EFNA5: variants seen among roughly 807,000 people sequenced by gnomAD.
EFNA5 encodes the protein ephrin A5.
EFNA5 carries 5 observed loss-of-function variants against 22.9 expected under a neutral mutation model. The ratio of observed to expected loss-of-function variants is 0.22; its 90% CI spans 0.11 to 0.46. The LOEUF (loss-of-function observed/expected upper bound fraction) is 0.46. Ranked by LOEUF, EFNA5 falls within the 20% of genes least tolerant of loss-of-function variation. The pLI, the probability that EFNA5 is intolerant of heterozygous loss-of-function variation, is 0.99. For missense variants in EFNA5, 237 were observed against 293.3 expected (o/e 0.81, Z 1.40); for synonymous variants, 113 against 112.2 (o/e 1.01, Z -0.04).
chr5:107,494,262 T>C (rs1007507139), intron 1 of EFNA5, among the ~76,000 whole-genome samples: 21 of 151,154 alleles, frequency 1.4e-4, no homozygotes, highest in African/African-American at 3.4e-4. Flanking sequence ...AGGCGTGAGC[T>C]GCGGGCGGCT....
At chr5:107,561,318 T>G (rs2112477509) in intron 1 of EFNA5, among the ~76,000 whole-genome samples, 1 of 152,330 alleles carries the variant, frequency 6.6e-6, no homozygotes, top group Middle Eastern at 3.4e-3. Flanking sequence ...GTACCACTTG[T>G]GTTAAGAGCC....
chr5:107,402,326 C>T lies in EFNA5; in HGVS notation c.419-14555G>A, dbSNP rs113286452. ...TGTGTATATATGTCTGTAAGGCTAG[C>T]GAGGGCTGTCTTGAACAAAAAATAT... On this transcript the variant is annotated intron_variant, in intron 2 of 4. Coordinates refer to ENST00000333274, the MANE Select transcript of EFNA5 (RefSeq NM_001962.3). 5.1e-3 allele frequency among the ~76,000 whole-genome samples: 769 copies of T among 152,190 alleles called. 11 individuals are homozygous for T. The highest frequency in any genetic ancestry group is 0.018 in the African/African-American group (728 of 41,536).
chr5:107,665,071 T>C (rs1311396646), intron 1 of EFNA5, among the ~76,000 whole-genome samples: 3 of 152,154 alleles, frequency 2.0e-5, no homozygotes, highest in Non-Finnish European at 4.4e-5. Flanking sequence ...TCTTAACATA[T>C]TCTCATATTT....
At chr5:107,552,527 T>C (rs1403770771) in intron 1 of EFNA5, among the ~76,000 whole-genome samples, 2 of 152,202 alleles carry the variant, frequency 1.3e-5, no homozygotes, top group East Asian at 1.9e-4. Context: ...CTCCAAAGTC[T>C]ATGTTAACCA....
intron 1 of EFNA5, among the ~76,000 whole-genome samples, chr5:107,621,778 A>G (rs541364208): frequency 6.6e-6 from 1 of 152,332 alleles, no homozygotes; most frequent in African/African-American, 2.4e-5. Flanking sequence ...GGGGATTTAA[A>G]AAGAGGAAGG....
intron 1 of EFNA5, among the ~76,000 whole-genome samples, chr5:107,568,437 G>A (rs1748708409): frequency 1.3e-5 from 2 of 152,226 alleles, no homozygotes; most frequent in African/African-American, 4.8e-5. Flanking sequence ...GACATGCCTA[G>A]GCAGGTAGTG....
intron 1 of EFNA5, among the ~76,000 whole-genome samples, 156 bp downstream of exon 1, chr5:107,670,333 G>C (rs1751164268): frequency 6.6e-6 from 1 of 152,144 alleles, no homozygotes; most frequent in Non-Finnish European, 1.5e-5. Context: ...CGACGCGAGC[G>C]CTTCCCGCCG....
intron 2 of EFNA5, among the ~76,000 whole-genome samples, chr5:107,410,029 T>G (rs1246904704): frequency 6.9e-6 from 1 of 144,588 alleles, no homozygotes; most frequent in Non-Finnish European, 1.5e-5. Flanking sequence ...ATTCTTTTTT[T>G]TTTTTTTTTT....
intron 1 of EFNA5, among the ~76,000 whole-genome samples, chr5:107,467,829 T>C (rs1365777051): frequency 3.3e-5 from 5 of 152,226 alleles, no homozygotes; most frequent in African/African-American, 1.2e-4. Context: ...AGTGACCCAC[T>C]GTCCAAGGTC....
intron 1 of EFNA5, among the ~76,000 whole-genome samples, chr5:107,438,713 A>G (rs1749179207): frequency 1.3e-5 from 2 of 152,116 alleles, no homozygotes. Flanking sequence ...CTTTGGAGAG[A>G]AAGACTAGAA....
chr5:107,417,336 T>C (rs1359441730), intron 2 of EFNA5, among the ~76,000 whole-genome samples: 1 of 152,180 alleles, frequency 6.6e-6, no homozygotes, highest in Non-Finnish European at 1.5e-5. Flanking sequence ...AATGAATTAA[T>C]TTTTTTGTGA....
rs1747344211 is a variant in EFNA5 at position 107,378,667 on chromosome 5, T to A, written c.*2588A>T. 1 of 152,224 alleles carries A rather than the reference T, an allele frequency of 6.6e-6. No individual in the cohort carries two copies. Among genetic ancestry groups the A allele is most frequent in the East Asian group, 1.9e-4 (1 of 5,204 alleles). 9.4% of individuals were successfully genotyped at this position (152,224 alleles called of 1,614,324 possible). On this transcript the variant is annotated 3_prime_UTR_variant, in exon 5 of 5. Coordinates refer to ENST00000333274, the MANE Select transcript of EFNA5 (RefSeq NM_001962.3). ...GTGGACACTCTTGCTATTTTCTTTA[T>A]ACTTAATTTGCAGTGGCAGAATGGT...
At chr5:107,403,583 TATTTG>T (rs1748140575) in intron 2 of EFNA5, among the ~76,000 whole-genome samples, 1 of 152,242 alleles carries the variant, frequency 6.6e-6, no homozygotes, top group South Asian at 2.1e-4. Flanking sequence ...ATAAAATAGT[TATTTG>T]TCTAAATTAA....
intron 1 of EFNA5, among the ~76,000 whole-genome samples, chr5:107,615,794 G>A (rs773647396): frequency 2.0e-5 from 3 of 152,064 alleles, no homozygotes; most frequent in Non-Finnish European, 2.9e-5. Flanking sequence ...GGGAGGGGTC[G>A]CTCGTCCATC....
intron 2 of EFNA5, among the ~76,000 whole-genome samples, chr5:107,419,539 C>G (rs1261757751): frequency 6.6e-6 from 1 of 152,148 alleles, no homozygotes; most frequent in East Asian, 1.9e-4. Flanking sequence ...TTTTTGGTGA[C>G]TAAGATGTAC....
At chr5:107,407,541 CA>C (rs1748256704) in intron 2 of EFNA5, among the ~76,000 whole-genome samples, 1 of 152,038 alleles carries the variant, frequency 6.6e-6, no homozygotes, top group Non-Finnish European at 1.5e-5. Flanking sequence ...GGACACTTAT[CA>C]AAAGAAAAGA....
At chr5:107,632,016 T>G (rs1178300080) in intron 1 of EFNA5, among the ~76,000 whole-genome samples, 1 of 152,220 alleles carries the variant, frequency 6.6e-6, no homozygotes, top group African/African-American at 2.4e-5. Context: ...CTTCACAGCC[T>G]TCCAGCCACC....
chr5:107,450,460 C>G (rs1456259057), intron 1 of EFNA5, among the ~76,000 whole-genome samples: 1 of 152,208 alleles, frequency 6.6e-6, no homozygotes, highest in Non-Finnish European at 1.5e-5. Context: ...ATTTTCTCCT[C>G]CTAGTGTCCT....
chr5:107,570,409 T>C (rs527699387), intron 1 of EFNA5, among the ~76,000 whole-genome samples: 2 of 152,244 alleles, frequency 1.3e-5, no homozygotes, highest in African/African-American at 4.8e-5. Flanking sequence ...TGGGATCAAA[T>C]GATGCCTTGG....
Sources: allele counts gnomAD v4.1 joint callset (sites outside exome capture counted in the v4.1 genomes callset), GRCh38; gene constraint gnomAD v4.1.1; transcripts MANE v1.5; gene names NCBI Gene and HGNC (gene_info 2026-07-23, HGNC 2026-07-21).